CNTNAP5: variants seen among roughly 807,000 people sequenced by gnomAD.
CNTNAP5 encodes contactin associated protein family member 5.
In CNTNAP5, 72 loss-of-function variants were observed where a neutral mutation model predicts 150.2. That is an observed-to-expected ratio of 0.48 (90% confidence interval 0.40 to 0.58). CNTNAP5 has a LOEUF of 0.58. Ranked by LOEUF, CNTNAP5 falls within the 20% of genes least tolerant of loss-of-function variation. The pLI is 0.00. For synonymous variants in CNTNAP5, 672 were observed against 619.8 expected (o/e 1.08, Z -1.25); for missense variants, 1,636 against 1,626.2 (o/e 1.01, Z -0.10).
At chr2:124,897,748 T>G (rs1357405295) in intron 21 of CNTNAP5, among the ~76,000 whole-genome samples, 1 of 151,616 alleles carries the variant, frequency 6.6e-6, no homozygotes, top group Non-Finnish European at 1.5e-5. Flanking sequence ...AAACCTAGGT[T>G]TCAGGCCTGA....
intron 1 of CNTNAP5, among the ~76,000 whole-genome samples, chr2:124,102,642 C>G (rs1359057771): frequency 1.3e-5 from 2 of 152,184 alleles, no homozygotes; most frequent in Non-Finnish European, 2.9e-5. Context: ...AAATAAGCCC[C>G]GTGCTCCAGT....
chr2:124,800,753 T>C (rs1490560425), intron 19 of CNTNAP5, among the ~76,000 whole-genome samples: 4 of 152,206 alleles, frequency 2.6e-5, no homozygotes, highest in Admixed American at 2.6e-4. Flanking sequence ...AAGTCCTGGC[T>C]ACATGCAGGA....
At chr2:124,897,364 A>G (rs766005719) in intron 21 of CNTNAP5, among the ~76,000 whole-genome samples, 1 of 151,476 alleles carries the variant, frequency 6.6e-6, no homozygotes, top group Non-Finnish European at 1.5e-5. Context: ...ATCCACCAAT[A>G]TGATTGAAAG....
At chr2:124,525,515 C>T (rs989005729) in intron 9 of CNTNAP5, among the ~76,000 whole-genome samples, 7 of 152,176 alleles carry the variant, frequency 4.6e-5, no homozygotes, top group Admixed American at 4.6e-4. Context: ...TATGCATAGT[C>T]TCTTAAATAG....
At chr2:124,464,851 A>C (rs1260582351) in intron 6 of CNTNAP5, among the ~76,000 whole-genome samples, 2 of 152,168 alleles carry the variant, frequency 1.3e-5, no homozygotes, top group Non-Finnish European at 2.9e-5. Context: ...GTACCTCAGC[A>C]AACACCCAGC....
intron 19 of CNTNAP5, among the ~76,000 whole-genome samples, chr2:124,816,630 G>A (rs1451750642): frequency 1.3e-5 from 2 of 151,672 alleles, no homozygotes; most frequent in African/African-American, 4.8e-5. Flanking sequence ...GGTGCCCACT[G>A]CCACACCTGG....
chr2:124,921,063 A>G lies in CNTNAP5; in HGVS notation c.*6775A>G, dbSNP rs576630018. Among the ~76,000 whole-genome samples, 7 of 152,290 alleles carry G rather than the reference A, an allele frequency of 4.6e-5. No homozygotes were observed. Among genetic ancestry groups the G allele is most frequent in the African/African-American group, 1.4e-4 (6 of 41,570 alleles). ...TCATTCCAAGTCAGTTTTGTAGACC[A>G]TGTAACATGTCTTAATACACTGTAT... is the stretch of plus-strand genomic sequence containing the variant. On this transcript the variant is annotated 3_prime_UTR_variant, in exon 24 of 24. Transcript: ENST00000682447.
At chr2:124,607,809 G>A in intron 11 of CNTNAP5, among the ~76,000 whole-genome samples, 1 of 152,178 alleles carries the variant, frequency 6.6e-6, no homozygotes, top group East Asian at 1.9e-4. Context: ...GGGAGTGGTT[G>A]GGAGGTCAAC....
At chr2:124,128,378 G>A (rs952452589) in intron 1 of CNTNAP5, among the ~76,000 whole-genome samples, 1 of 152,156 alleles carries the variant, frequency 6.6e-6, no homozygotes, top group Non-Finnish European at 1.5e-5. Context: ...TCTCATACCA[G>A]TTAGAATGGC....
chr2:124,099,775 A>G (rs1216559465), intron 1 of CNTNAP5, among the ~76,000 whole-genome samples: 1 of 152,178 alleles, frequency 6.6e-6, no homozygotes, highest in African/African-American at 2.4e-5. Flanking sequence ...TGGCAGGAAC[A>G]GGACCAAGAG....
At chr2:124,647,994 A>ATGGGACCCTCAGACCTGGAGT (rs1286522547) in intron 13 of CNTNAP5, 36 bp downstream of exon 13, 1 of 1,549,222 alleles carries the variant, frequency 6.5e-7, no homozygotes, top group African/African-American at 1.4e-5. Flanking sequence ...AGTGGGATAG[A>ATGGGACCCTCAGACCTGGAGT]TGGGACCCTC....
intron 1 of CNTNAP5, among the ~76,000 whole-genome samples, chr2:124,105,975 T>A (rs1683163037): frequency 6.6e-6 from 1 of 152,186 alleles, no homozygotes; most frequent in South Asian, 2.1e-4. Context: ...CCATATTGCT[T>A]AAATCTTTTG....
chr2:124,718,725 C>T (rs767773079), intron 13 of CNTNAP5, among the ~76,000 whole-genome samples: 42 of 152,018 alleles, frequency 2.8e-4, no homozygotes, highest in Non-Finnish European at 1.3e-4. Context: ...GAGCAGATCA[C>T]GAGGTCAGGA....
chr2:124,860,638 A>G (rs927619306), intron 19 of CNTNAP5, among the ~76,000 whole-genome samples: 3 of 151,892 alleles, frequency 2.0e-5, no homozygotes, highest in Non-Finnish European at 4.4e-5. Flanking sequence ...GCCAGACACT[A>G]GAAACCCAAG....
intron 9 of CNTNAP5, among the ~76,000 whole-genome samples, chr2:124,525,153 T>C (rs62172618): frequency 0.17 from 26,075 of 152,226 alleles, 2,954 homozygotes; most frequent in Non-Finnish European, 0.24. Flanking sequence ...TATCTATATA[T>C]ATGTATTTAG....
intron 3 of CNTNAP5, among the ~76,000 whole-genome samples, chr2:124,263,308 C>T (rs2104603709): frequency 6.6e-6 from 1 of 152,242 alleles, no homozygotes; most frequent in South Asian, 2.1e-4. Context: ...TCTCCAGCAC[C>T]TGTTGTTTCC....
chr2:124,319,960 G>A (rs1302934445), intron 3 of CNTNAP5, among the ~76,000 whole-genome samples: 1 of 152,152 alleles, frequency 6.6e-6, no homozygotes, highest in Non-Finnish European at 1.5e-5. Flanking sequence ...AATTAAGATT[G>A]TATCCCTTCT....
In CNTNAP5 at chr2:124,916,694, C is replaced by T. The variant is rs1678775926; in HGVS notation, c.*2406C>T. Among the ~76,000 whole-genome samples, 1 of 152,014 alleles carries T rather than the reference C, an allele frequency of 6.6e-6. No homozygotes were observed. Among genetic ancestry groups the T allele is most frequent in the Non-Finnish European group, 1.5e-5 (1 of 67,960 alleles). On this transcript the variant is annotated 3_prime_UTR_variant, in exon 24 of 24. Transcript: ENST00000682447. ...TAGATTGTCCTGTAGGATGAAGAAT[C>T]TGTGAAGCTCTATCCTGACCACAAT...
intron 1 of CNTNAP5, chr2:124,135,261 A>G (rs13015724): frequency 0.49 from 74,387 of 151,640 alleles, 18,699 homozygotes; most frequent in South Asian, 0.61. Flanking sequence ...GGAGAACAGG[A>G]TATTTCCCCA....
Sources: allele counts gnomAD v4.1 joint callset (sites outside exome capture counted in the v4.1 genomes callset), GRCh38; gene constraint gnomAD v4.1.1; transcripts MANE v1.5; gene names NCBI Gene and HGNC (gene_info 2026-07-23, HGNC 2026-07-21).